TGFBR2: variants seen among roughly 807,000 people sequenced by gnomAD.
The protein encoded by TGFBR2 is transforming growth factor beta receptor 2.
TGFBR2 carries 18 observed loss-of-function variants against 49.0 expected under a neutral mutation model. The ratio of observed to expected loss-of-function variants is 0.37; its 90% confidence interval spans 0.25 to 0.54. TGFBR2 has a LOEUF of 0.54. TGFBR2 is among the 20% of genes least tolerant of loss of function. The pLI is 0.85. For synonymous variants in TGFBR2, 282 were observed against 275.9 expected (o/e 1.02, Z -0.22); for missense variants, 525 against 722.6 (o/e 0.73, Z 3.13).
chr3:30,612,667 G>C (rs752557303), intron 1 of TGFBR2, among the ~76,000 whole-genome samples: 13 of 152,170 alleles, frequency 8.5e-5, no homozygotes, highest in Non-Finnish European at 1.6e-4. Context: ...ACTTATAGCA[G>C]TTGGACATAC....
rs1376792015 is a variant in TGFBR2, at chr3:30,693,117, G to T, written c.*1518G>T. On this transcript the variant is annotated 3_prime_UTR_variant, in exon 7 of 7. Transcript: ENST00000295754. Reference sequence around the variant, plus strand: ...GAAGTTGGCCTTTTATTGGACTAAAGGGGAACTCCTTTAAGGGTCTCAGTT... The same window carrying T: ...GAAGTTGGCCTTTTATTGGACTAAATGGGAACTCCTTTAAGGGTCTCAGTT... The T allele has an allele frequency of 1.3e-5, 3 of 233,186 alleles. No homozygotes were observed. In the Admixed American group the frequency reaches 1.7e-4, roughly 13 times the overall value. The allele number at this position is 233,186 out of a possible 1,614,324, so 14.4% of individuals were successfully genotyped here.
At chr3:30,675,386 C>G (rs1699416936) in intron 5 of TGFBR2, among the ~76,000 whole-genome samples, 1 of 124,562 alleles carries the variant, frequency 8.0e-6, no homozygotes, top group South Asian at 2.7e-4. Flanking sequence ...GCCAAACTAA[C>G]TCCACCCTTT....
At chr3:30,689,148 C>T (rs972926039) in intron 6 of TGFBR2, among the ~76,000 whole-genome samples, 1 of 152,134 alleles carries the variant, frequency 6.6e-6, no homozygotes, top group South Asian at 2.1e-4. Context: ...TCTTATTTTT[C>T]CTTGTTAAGA....
At chr3:30,636,824 G>A (rs1480612287) in intron 1 of TGFBR2, among the ~76,000 whole-genome samples, 2 of 151,808 alleles carry the variant, frequency 1.3e-5, no homozygotes, top group Non-Finnish European at 2.9e-5. Context: ...CAGCACTTTG[G>A]GAGGCCAAGG....
intron 1 of TGFBR2, among the ~76,000 whole-genome samples, chr3:30,641,453 A>G (rs1187388862): frequency 6.6e-6 from 1 of 152,104 alleles, no homozygotes; most frequent in Non-Finnish European, 1.5e-5. Flanking sequence ...TAAGGTGGGG[A>G]GTCTCCTAGG....
At chr3:30,658,793 G>A (rs890227631) in intron 3 of TGFBR2, among the ~76,000 whole-genome samples, 2 of 152,092 alleles carry the variant, frequency 1.3e-5, no homozygotes, top group Admixed American at 6.5e-5. Flanking sequence ...TATCAGACAC[G>A]CGGTTTCCTG....
chr3:30,632,622 A>G (rs1698458405), intron 1 of TGFBR2, among the ~76,000 whole-genome samples: 1 of 152,190 alleles, frequency 6.6e-6, no homozygotes, highest in African/African-American at 2.4e-5. Flanking sequence ...CCAAACTCAT[A>G]CTTATCTTGT....
rs770216059 is a variant in TGFBR2 at position 30,650,391 on chromosome 3, C to G, written c.385C>G (p.Pro129Ala). Residue 129 changes from proline to alanine, a missense_variant, in exon 3 of 7, where the codon CCT becomes GCT. Coordinates refer to ENST00000295754, the MANE Select transcript of TGFBR2 (RefSeq NM_003242.6). ...GTGCATTATGAAGGAAAAAAAAAAG[C>G]CTGGTGAGACTTTCTTCATGTGTTC... ...PKCIMKEKKKPGETFFMCSCS... is the reference protein window; with the variant it reads ...PKCIMKEKKKAGETFFMCSCS... 2 of 1,613,844 alleles carry G rather than the reference C, an allele frequency of 1.2e-6. No homozygotes were observed. The highest frequency in any genetic ancestry group is 3.3e-5 in the Admixed American group (2 of 59,994).
rs1698859109 is a variant in TGFBR2, at chr3:30,650,395, G to A, written c.389G>A (p.Gly130Asp). 1.2e-6 allele frequency: 2 copies of A among 1,614,036 alleles called. No homozygotes were observed. The highest frequency in any genetic ancestry group is 8.5e-7 in the Non-Finnish European group (1 of 1,179,970). Residue 130 changes from glycine to aspartate, a missense_variant, in exon 3 of 7, where the codon GGT (glycine) becomes GAT (aspartate). This residue lies in a region of TGFBR2 where 376 missense variants were observed against 478.2 expected (regional missense o/e 0.79). Transcript: ENST00000295754. ...KCIMKEKKKP[G>D]ETFFMCSCSS... is the part of the protein sequence containing the mutation. ...ATTATGAAGGAAAAAAAAAAGCCTG[G>A]TGAGACTTTCTTCATGTGTTCCTGT...
At position 30,692,026 on chromosome 3, in the gene TGFBR2, C is replaced by G. The variant is rs917889748; in HGVS notation, c.*427C>G. On this transcript the variant is annotated 3_prime_UTR_variant, in exon 7 of 7. Coordinates refer to ENST00000295754, the MANE Select transcript of TGFBR2 (RefSeq NM_003242.6). Reference sequence around the variant, plus strand: ...AGGAAATTGGTTTTATTGGAGAACTCCAGAACCAAGCAGAGAAGGAAGGGA... The same window carrying G: ...AGGAAATTGGTTTTATTGGAGAACTGCAGAACCAAGCAGAGAAGGAAGGGA... The G allele has an allele frequency of 4.5e-6, 1 of 222,470 alleles. No homozygotes were observed. The highest frequency in any genetic ancestry group is 9.0e-6 in the Non-Finnish European group (1 of 111,632). The allele number at this position is 222,470 out of a possible 1,614,324, so 13.8% of individuals were successfully genotyped here.
chr3:30,690,425 A>G (rs1398713163), intron 6 of TGFBR2, among the ~76,000 whole-genome samples: 4 of 152,204 alleles, frequency 2.6e-5, no homozygotes, highest in African/African-American at 4.8e-5. Context: ...GAAATGGCAT[A>G]GAGTTAAGCA....
At chr3:30,645,782 G>A (rs1203799549) in intron 2 of TGFBR2, among the ~76,000 whole-genome samples, 5 of 151,316 alleles carry the variant, frequency 3.3e-5, no homozygotes, top group Non-Finnish European at 5.9e-5. Context: ...CACCATGCCC[G>A]ACCAGAACTA....
chr3:30,675,922 G>A (rs1020057045), intron 5 of TGFBR2, among the ~76,000 whole-genome samples: 13 of 152,188 alleles, frequency 8.5e-5, no homozygotes, highest in African/African-American at 3.1e-4. Context: ...ACAGGATCCA[G>A]TCTAGGATCC....
chr3:30,683,393 A>G (rs72850853), intron 5 of TGFBR2, among the ~76,000 whole-genome samples: 1,542 of 152,236 alleles, frequency 0.01, 26 homozygotes, highest in African/African-American at 0.035. Flanking sequence ...AGTGGGATTC[A>G]TTTTTCTTGT....
At chr3:30,645,686 A>G (rs1005363370) in intron 2 of TGFBR2, among the ~76,000 whole-genome samples, 2 of 151,986 alleles carry the variant, frequency 1.3e-5, no homozygotes, top group African/African-American at 2.4e-5. Context: ...GGGTTTCACC[A>G]TGTTGGCCAG....
chr3:30,642,129 G>T (rs1451304789), intron 1 of TGFBR2, among the ~76,000 whole-genome samples: 1 of 152,000 alleles, frequency 6.6e-6, no homozygotes, highest in South Asian at 2.1e-4. Flanking sequence ...CTATTCTCAC[G>T]TTTCTAAGGT....
intron 3 of TGFBR2, among the ~76,000 whole-genome samples, chr3:30,669,271 A>G (rs1699298548): frequency 6.6e-6 from 1 of 151,516 alleles, no homozygotes; most frequent in Non-Finnish European, 1.5e-5. Context: ...CATCTCGAGA[A>G]AAAAAAAAGA....
chr3:30,649,682 C>A (rs537871657), intron 2 of TGFBR2, among the ~76,000 whole-genome samples: 3 of 152,008 alleles, frequency 2.0e-5, no homozygotes, highest in African/African-American at 7.3e-5. Flanking sequence ...TCTTTATCTG[C>A]GATGTTTCTT....
intron 2 of TGFBR2, among the ~76,000 whole-genome samples, chr3:30,645,639 C>T (rs1405669672): frequency 1.3e-5 from 2 of 151,988 alleles, no homozygotes; most frequent in Non-Finnish European, 2.9e-5. Context: ...GTGCCCACTA[C>T]CACACCTGGC....
Sources: gnomAD v4.1 joint callset for allele counts (sites outside exome capture counted in the v4.1 genomes callset) on GRCh38, gnomAD v4.1.1 for gene constraint, gnomAD v4.1.1 regional missense constraint, MANE v1.5 for transcripts, NCBI Gene and HGNC (gene_info 2026-07-23, HGNC 2026-07-21) for gene names.